Variants in POU6F2 observed in about 807,000 individuals in gnomAD.
POU6F2 encodes the protein POU class 6 homeobox 2, also known as POU domain, class 6, transcription factor 2.
In POU6F2, 31 loss-of-function variants were observed where a neutral mutation model predicts 71.3. The ratio of observed to expected loss-of-function variants is 0.43; its 90% confidence interval spans 0.33 to 0.59. POU6F2 has a LOEUF of 0.59. Ranked by LOEUF, POU6F2 falls within the 20% of genes least tolerant of loss-of-function variation. The pLI, the probability that POU6F2 is intolerant of heterozygous loss-of-function variation, is 0.04. For missense variants in POU6F2, 783 were observed against 856.8 expected (o/e 0.91, Z 1.07); for synonymous variants, 347 against 355.7 (o/e 0.98, Z 0.27).
At chr7:39,211,455 C>G (rs547564417) in intron 4 of POU6F2, among the ~76,000 whole-genome samples, 3 of 152,286 alleles carry the variant, frequency 2.0e-5, no homozygotes, top group African/African-American at 7.2e-5. Context: ...AGTGGAAGCC[C>G]TCTTGAAGTC....
chr7:39,403,924 CTG>C (rs944521217), intron 5 of POU6F2, among the ~76,000 whole-genome samples: 3 of 152,254 alleles, frequency 2.0e-5, no homozygotes, highest in African/African-American at 4.8e-5. Context: ...CACTCCGTGA[CTG>C]TGGTTCTAGC....
chr7:39,459,182 T>TACCA (rs1254207676), intron 8 of POU6F2, among the ~76,000 whole-genome samples: 1 of 152,240 alleles, frequency 6.6e-6, no homozygotes, highest in East Asian at 1.9e-4. Context: ...GCAGTAGTTG[T>TACCA]ACCACTTTCC....
chr7:39,240,736 G>A (rs1783710440), intron 4 of POU6F2, among the ~76,000 whole-genome samples: 1 of 152,090 alleles, frequency 6.6e-6, no homozygotes, highest in African/African-American at 2.4e-5. Flanking sequence ...ATCTGTTACT[G>A]AGACAATAAT....
rs199566355 is a variant in POU6F2, at chr7:39,429,131, A to G, written c.1114-3946A>G. Reference sequence around the variant, plus strand: ...GCATAATAATAATAAAAAAAAAAAAACTCACTCATCGGAACCCCTTGGCTG... The same window carrying G: ...GCATAATAATAATAAAAAAAAAAAAGCTCACTCATCGGAACCCCTTGGCTG... On this transcript the variant is annotated intron_variant, in intron 6 of 9. Coordinates refer to ENST00000518318, the MANE Select transcript of POU6F2 (RefSeq NM_001370959.1). 7.1e-5 allele frequency among the ~76,000 whole-genome samples: 10 copies of G among 141,122 alleles called. No individual in the cohort carries two copies. The East Asian group carries it at 2.2e-3, about 31-fold the overall frequency. 92.6% of individuals were successfully genotyped at this position (141,122 alleles called of 152,430 possible). A position where few individuals can be genotyped will look rare whatever the true frequency, so the allele number is the denominator to read the frequency against.
At chr7:39,004,854 C>T (rs1036655729) in intron 1 of POU6F2, among the ~76,000 whole-genome samples, 6 of 152,090 alleles carry the variant, frequency 3.9e-5, no homozygotes, top group Non-Finnish European at 5.9e-5. Flanking sequence ...TGTGATGCCG[C>T]CCTGATTTGC....
chr7:39,052,559 C>T (rs1225897872), intron 1 of POU6F2, among the ~76,000 whole-genome samples: 1 of 152,046 alleles, frequency 6.6e-6, no homozygotes, highest in Non-Finnish European at 1.5e-5. Context: ...GGAGAAACGG[C>T]CCCCATGATC....
intron 4 of POU6F2, among the ~76,000 whole-genome samples, chr7:39,299,018 T>G: frequency 6.7e-6 from 1 of 149,698 alleles, no homozygotes. Context: ...GGGTGGGGAG[T>G]AAGGGGAGGG....
At chr7:39,100,137 C>T (rs925077303) in intron 2 of POU6F2, among the ~76,000 whole-genome samples, 1 of 152,160 alleles carries the variant, frequency 6.6e-6, no homozygotes, top group Non-Finnish European at 1.5e-5. Flanking sequence ...GTCCTCATTC[C>T]TTAAGGAATT....
intron 4 of POU6F2, among the ~76,000 whole-genome samples, chr7:39,285,124 C>G (rs1415968340): frequency 2.6e-5 from 4 of 152,170 alleles, no homozygotes; most frequent in African/African-American, 4.8e-5. Flanking sequence ...GGATTTTATC[C>G]CCAAGTCTTC....
intron 1 of POU6F2, among the ~76,000 whole-genome samples, chr7:39,050,162 C>G (rs1388600347): frequency 2.6e-5 from 4 of 152,056 alleles, no homozygotes; most frequent in African/African-American, 9.6e-5. Flanking sequence ...GGACACTACT[C>G]TCTGCTTAGC....
In POU6F2 at chr7:39,348,134, A is replaced by G. The variant is rs2115657021; in HGVS notation, c.972+8119A>G. 1.4e-5 allele frequency among the ~76,000 whole-genome samples: 2 copies of G among 144,208 alleles called. 1 individual carries two copies. The highest frequency in any genetic ancestry group is 4.4e-4 in the South Asian group (2 of 4,502). The allele number at this position is 144,208 out of a possible 152,430, so 94.6% of individuals were successfully genotyped here. A position where few individuals can be genotyped will look rare whatever the true frequency, so the allele number is the denominator to read the frequency against. ...GAACTATACATAATAAACTCTTGAG[A>G]AAACAACAAAAACAAACAAAAAAGA... On this transcript the variant is annotated intron_variant, in intron 5 of 9. Transcript: ENST00000518318.
intron 1 of POU6F2, among the ~76,000 whole-genome samples, chr7:38,998,840 A>G (rs867890468): frequency 1.3e-5 from 1 of 76,026 alleles, no homozygotes; most frequent in Non-Finnish European, 2.8e-5. Flanking sequence ...TTTTTTTTTT[A>G]TTTTCAGTAG....
chr7:39,098,999 G>A (rs1791515756), intron 2 of POU6F2, among the ~76,000 whole-genome samples: 1 of 152,150 alleles, frequency 6.6e-6, no homozygotes, highest in African/African-American at 2.4e-5. Flanking sequence ...GGGGATCTTT[G>A]CTTCCTAATG....
At chr7:39,028,187 A>G (rs563006380) in intron 1 of POU6F2, among the ~76,000 whole-genome samples, 26 of 152,208 alleles carry the variant, frequency 1.7e-4, no homozygotes, top group Non-Finnish European at 2.8e-4. Flanking sequence ...TGCATATTAC[A>G]TATTCATTAT....
intron 5 of POU6F2, among the ~76,000 whole-genome samples, chr7:39,369,652 C>A (rs1400151657): frequency 1.3e-5 from 2 of 152,116 alleles, no homozygotes; most frequent in Non-Finnish European, 2.9e-5. Context: ...GCATGAGCCA[C>A]CATGCCCAGT....
At chr7:39,037,594 G>C (rs1435681515) in intron 1 of POU6F2, among the ~76,000 whole-genome samples, 1 of 151,744 alleles carries the variant, frequency 6.6e-6, no homozygotes, top group Non-Finnish European at 1.5e-5. Context: ...TTTCTCCTTT[G>C]TGTCTCCAGC....
chr7:39,059,925 C>G (rs1244697033), intron 1 of POU6F2, among the ~76,000 whole-genome samples: 1 of 152,080 alleles, frequency 6.6e-6, no homozygotes, highest in African/African-American at 2.4e-5. Context: ...AGAAGCCATA[C>G]AGGGGCCAGG....
chr7:39,427,713 A>C (rs1196446519), intron 6 of POU6F2, among the ~76,000 whole-genome samples: 1 of 152,196 alleles, frequency 6.6e-6, no homozygotes, highest in Non-Finnish European at 1.5e-5. Flanking sequence ...AGATCTGAGG[A>C]AGTCACCGAT....
intron 1 of POU6F2, among the ~76,000 whole-genome samples, chr7:39,017,181 A>G (rs892366578): frequency 1.8e-4 from 28 of 152,164 alleles, no homozygotes; most frequent in African/African-American, 6.0e-4. Flanking sequence ...GCTGTACTCA[A>G]TAAATACATA....
Sources: gnomAD v4.1 joint callset for allele counts (sites outside exome capture counted in the v4.1 genomes callset) on GRCh38, gnomAD v4.1.1 for gene constraint, MANE v1.5 for transcripts, NCBI Gene and HGNC (gene_info 2026-07-23, HGNC 2026-07-21) for gene names.